The following PCDHA2 variants were observed in gnomAD, a reference collection of about 807,000 sequenced individuals.
PCDHA2 encodes protocadherin alpha-2.
PCDHA2 carries 58 observed loss-of-function variants against 66.0 expected under a neutral mutation model. The ratio of observed to expected loss-of-function variants is 0.88; its 90% CI spans 0.71 to 1.09. PCDHA2 has a LOEUF of 1.09. Among genes scored for constraint, PCDHA2 ranks in the 50% least tolerant of loss-of-function variants. PCDHA2 has a pLI of 0.00. For missense variants in PCDHA2, 1,267 were observed against 1,242.3 expected, an observed-to-expected ratio of 1.02 and a Z score of -0.30; for synonymous variants, 634 against 554.0, an observed-to-expected ratio of 1.14 and a Z score of -2.03.
At position 140,797,240 on chromosome 5, in the gene PCDHA2, G is replaced by T. The variant is rs782112460; in HGVS notation, c.2276G>T (p.Cys759Phe). 1.2e-6 allele frequency: 2 copies of T among 1,614,196 alleles called. No individual in the cohort carries two copies. The highest frequency in any genetic ancestry group is 2.2e-5 in the South Asian group (2 of 91,084). The change falls in exon 1 of 4, where the codon TGC becomes TTC. Residue 759 changes from cysteine (C) to phenylalanine (F), a missense_variant. Coordinates refer to ENST00000526136, the MANE Select transcript of PCDHA2 (RefSeq NM_018905.3). Reference protein sequence around the residue: ...SYSQQRRQRVCSGEDPPKTDL... With the variant: ...SYSQQRRQRVFSGEDPPKTDL... ...TCGCAGCAGAGGCGGCAGAGGGTGT[G>T]CTCTGGGGAGGACCCCCCCAAGACG...
intron 3 of PCDHA2, among the ~76,000 whole-genome samples, chr5:140,997,680 G>A (rs954561672): frequency 6.6e-6 from 1 of 151,954 alleles, no homozygotes; most frequent in African/African-American, 2.4e-5. Context: ...GTGTGTGTGT[G>A]TGTGTGTGTG....
At chr5:140,882,868 G>T in intron 1 of PCDHA2, 1 of 1,614,184 alleles carries the variant, frequency 6.2e-7, no homozygotes, top group Non-Finnish European at 8.5e-7. Context: ...GGAAAACACT[G>T]GACAGAGAGG....
chr5:140,859,888 A>T (rs2046074014), intron 1 of PCDHA2: 1 of 152,104 alleles, frequency 6.6e-6, no homozygotes. Context: ...TATTTTGAAA[A>T]AAAATCTTCC....
At chr5:140,933,106 C>T (rs2088855819) in intron 1 of PCDHA2, among the ~76,000 whole-genome samples, 1 of 151,884 alleles carries the variant, frequency 6.6e-6, no homozygotes. Context: ...AAAGGTTGTT[C>T]TTAAGAAACA....
At chr5:140,852,888 T>A in intron 1 of PCDHA2, 1 of 920,092 alleles carries the variant, frequency 1.1e-6, no homozygotes. Context: ...AAAACGTATT[T>A]TTTTTTTTGA....
intron 1 of PCDHA2, chr5:140,830,262 C>T (rs151257683): frequency 1.2e-6 from 2 of 1,613,546 alleles, no homozygotes; most frequent in Admixed American, 1.7e-5. Context: ...CTGCGGTGCT[C>T]GGCGCCACCC....
At chr5:140,808,060 C>T in intron 1 of PCDHA2, 3 of 1,613,672 alleles carry the variant, frequency 1.9e-6, no homozygotes, top group Non-Finnish European at 2.5e-6. Flanking sequence ...ATGTGAAATC[C>T]AAGTTTCACA....
chr5:140,877,509 G>T (rs781824762), intron 1 of PCDHA2: 21 of 1,613,700 alleles, frequency 1.3e-5, no homozygotes, highest in Non-Finnish European at 1.7e-5. Flanking sequence ...CAAAGACGTC[G>T]TCGCGGGCCT....
At chr5:140,971,586 C>G (rs1290834481) in intron 1 of PCDHA2, among the ~76,000 whole-genome samples, 1 of 152,022 alleles carries the variant, frequency 6.6e-6, no homozygotes, top group Non-Finnish European at 1.5e-5. Context: ...TTTTTCCTAC[C>G]TAGTTACTAC....
At chr5:140,832,615 T>C (rs1377031016) in intron 1 of PCDHA2, among the ~76,000 whole-genome samples, 1 of 152,198 alleles carries the variant, frequency 6.6e-6, no homozygotes, top group Non-Finnish European at 1.5e-5. Flanking sequence ...AGTGAGTAAA[T>C]GTTTTTTAAA....
chr5:140,851,530 A>G (rs2042087003), intron 1 of PCDHA2: 6 of 902,946 alleles, frequency 6.6e-6, no homozygotes, highest in Non-Finnish European at 8.1e-6. Context: ...ATGCCTGACA[A>G]TGTAGATAAT....
intron 1 of PCDHA2, among the ~76,000 whole-genome samples, chr5:140,974,301 A>G (rs2096621600): frequency 6.6e-6 from 1 of 152,190 alleles, no homozygotes; most frequent in Non-Finnish European, 1.5e-5. Context: ...AGGAGGTACA[A>G]CTGTGAGTGA....
In PCDHA2 at chr5:140,946,631, T is replaced by TATATATATATATATATATATAC. The variant is rs57893927; in HGVS notation, c.2389-32317_2389-32316insTATATATATATATATATATACA. 3.0e-3 allele frequency among the ~76,000 whole-genome samples: 389 copies of TATATATATATATATATATATAC among 131,774 alleles called. 27 individuals are homozygous for TATATATATATATATATATATAC. The highest frequency in any genetic ancestry group is 0.013 in the African/African-American group (369 of 28,648). 86.4% of individuals were successfully genotyped at this position (131,774 alleles called of 152,430 possible). A position where few individuals can be genotyped will look rare whatever the true frequency, so the allele number is the denominator to read the frequency against. ...TGTGAAATATATATATATATATATA[T>TATATATATATATATATATATAC]ACAATGGAATACTCATCAGCCATTA... On this transcript the variant is annotated intron_variant, in intron 1 of 3. Coordinates refer to ENST00000526136, the MANE Select transcript of PCDHA2 (RefSeq NM_018905.3).
intron 1 of PCDHA2, chr5:140,841,926 G>C (rs1490008187): frequency 6.2e-7 from 1 of 1,613,806 alleles, no homozygotes; most frequent in African/African-American, 1.3e-5. Context: ...TCCTTGGACA[G>C]AGAGGACGCT....
At chr5:140,936,552 T>C (rs1408956922) in intron 1 of PCDHA2, among the ~76,000 whole-genome samples, 5 of 152,234 alleles carry the variant, frequency 3.3e-5, no homozygotes, top group Admixed American at 3.3e-4. Flanking sequence ...AATGTAGAAG[T>C]CAAGATTTAT....
At chr5:140,797,791 A>G (rs1168898008) in intron 1 of PCDHA2, among the ~76,000 whole-genome samples, 2 of 152,184 alleles carry the variant, frequency 1.3e-5, no homozygotes, top group Non-Finnish European at 2.9e-5. Context: ...GACATTTCTT[A>G]GATTGTTCTT....
At chr5:140,857,404 T>G (rs150677637) in intron 1 of PCDHA2, 4 of 1,597,852 alleles carry the variant, frequency 2.5e-6, no homozygotes, top group African/African-American at 1.3e-5. Context: ...ACAACGCGCC[T>G]GCGTTCGCGC....
intron 1 of PCDHA2, chr5:140,801,885 A>G (rs782030457): frequency 1.2e-6 from 2 of 1,614,168 alleles, no homozygotes; most frequent in East Asian, 4.5e-5. Context: ...TCAACTAAAG[A>G]TCACTGTTTT....
rs114351206 is a variant in PCDHA2 at position 140,991,799 on chromosome 5, G to A, written c.2536+9236G>A. Among the ~76,000 whole-genome samples the A allele has an allele frequency of 3.8e-3, 580 of 152,160 alleles. 3 individuals are homozygous for A. The highest frequency in any genetic ancestry group is 0.013 in the African/African-American group (548 of 41,490). On this transcript the variant is annotated intron_variant, in intron 3 of 3. Coordinates refer to ENST00000526136, the MANE Select transcript of PCDHA2 (RefSeq NM_018905.3). ...ACTCTGCCCATTTCCCAATCTCAAG[G>A]CCACTTCCGCATTTTTAGGCATTTA... is the stretch of plus-strand genomic sequence containing the variant.
Sources: gnomAD v4.1 joint callset for allele counts (sites outside exome capture counted in the v4.1 genomes callset) on GRCh38, gnomAD v4.1.1 for gene constraint, MANE v1.5 for transcripts, NCBI Gene and HGNC (gene_info 2026-07-23, HGNC 2026-07-21) for gene names.